Variants in NUBPL observed in about 807,000 individuals in gnomAD.
NUBPL encodes NUBP iron-sulfur cluster assembly factor, mitochondrial.
A neutral mutation model predicts 45.7 loss-of-function variants in NUBPL; 31 were observed. The observed-to-expected ratio is 0.68, with a 90% CI of 0.51 to 0.92. NUBPL has a LOEUF of 0.92. Among genes scored for constraint, NUBPL ranks in the 40% least tolerant of loss-of-function variants. The pLI is 0.00. For synonymous variants in NUBPL, 144 were observed against 140.9 expected, an observed-to-expected ratio of 1.02 and a Z score of -0.15; for missense variants, 401 against 398.7, an observed-to-expected ratio of 1.01 and a Z score of -0.05.
chr14:31,716,548 C>G (rs555540832), intron 6 of NUBPL, among the ~76,000 whole-genome samples: 8 of 152,304 alleles, frequency 5.3e-5, no homozygotes, highest in African/African-American at 1.9e-4. Context: ...GGACCATTGC[C>G]TATGTGGCCC....
chr14:31,657,121 C>T (rs1413316867), intron 4 of NUBPL, among the ~76,000 whole-genome samples: 2 of 152,156 alleles, frequency 1.3e-5, no homozygotes, highest in African/African-American at 2.4e-5. Context: ...TTAATGTAGT[C>T]ACTGTTCTAG....
intron 6 of NUBPL, among the ~76,000 whole-genome samples, chr14:31,762,878 C>T (rs570175454): frequency 1.2e-3 from 183 of 152,178 alleles, no homozygotes; most frequent in Middle Eastern, 6.8e-3. Flanking sequence ...CTGAGCTTAG[C>T]TTATAATGTT....
chr14:31,679,079 A>G (rs2139826945), intron 6 of NUBPL, among the ~76,000 whole-genome samples: 1 of 152,280 alleles, frequency 6.6e-6, no homozygotes, highest in East Asian at 1.9e-4. Context: ...GGGCAGCACA[A>G]AGTTCAGTGC....
chr14:31,755,150 A>T (rs2038629435), intron 6 of NUBPL, among the ~76,000 whole-genome samples: 1 of 152,048 alleles, frequency 6.6e-6, no homozygotes, highest in Non-Finnish European at 1.5e-5. Flanking sequence ...ATAGTGCCGC[A>T]ATAAACATAC....
intron 8 of NUBPL, chr14:31,844,484 G>A (rs2040422593): frequency 6.6e-6 from 1 of 152,152 alleles, no homozygotes; most frequent in South Asian, 2.1e-4. Context: ...CCAAAACACA[G>A]CGTGATTTAT....
At chr14:31,741,396 G>A (rs1048079420) in intron 6 of NUBPL, among the ~76,000 whole-genome samples, 2 of 152,086 alleles carry the variant, frequency 1.3e-5, no homozygotes, top group Non-Finnish European at 2.9e-5. Flanking sequence ...GACTAGAGGG[G>A]GCTGGAGTTA....
intron 8 of NUBPL, among the ~76,000 whole-genome samples, chr14:31,831,468 T>TGTACC (rs1555342390): frequency 7.0e-6 from 1 of 143,060 alleles, no homozygotes; most frequent in Non-Finnish European, 1.5e-5. Context: ...TATACTGTAC[T>TGTACC]ATACCATACC....
At chr14:31,625,257 A>G (rs149710157) in intron 4 of NUBPL, among the ~76,000 whole-genome samples, 10 of 152,320 alleles carry the variant, frequency 6.6e-5, no homozygotes, top group African/African-American at 2.4e-4. Flanking sequence ...ATTGAAAATT[A>G]CATTTTAGAT....
chr14:31,574,268 AT>A lies in NUBPL; in HGVS notation c.291+9233del, dbSNP rs1207027470. ...TGCACATCTTATGTACTCAAAAAAA[AT>A]TTTTTTTTTTTTGAGACAGAGTCTT... On this transcript the variant is annotated intron_variant, in intron 3 of 10. Coordinates refer to ENST00000281081, the MANE Select transcript of NUBPL (RefSeq NM_025152.3). Among the ~76,000 whole-genome samples, 578 of 100,976 alleles carry A rather than the reference AT, an allele frequency of 5.7e-3. 3 individuals carry two copies. Among genetic ancestry groups the A allele is most frequent in the Middle Eastern group, 0.012 (2 of 166 alleles). The allele number at this position is 100,976 out of a possible 152,430, so 66.2% of individuals were successfully genotyped here. A position where few individuals can be genotyped will look rare whatever the true frequency, so the allele number is the denominator to read the frequency against.
At position 31,561,524 on chromosome 14, in the gene NUBPL, C is replaced by G. The variant is rs2033279077; in HGVS notation, c.85C>G (p.Arg29Gly). 8 of 1,381,286 alleles carry G rather than the reference C, an allele frequency of 5.8e-6. No individual in the cohort carries two copies. The highest frequency in any genetic ancestry group is 7.5e-6 in the Non-Finnish European group (8 of 1,059,810). 85.6% of individuals were successfully genotyped at this position (1,381,286 alleles called of 1,614,324 possible). A position where few individuals can be genotyped will look rare whatever the true frequency, so the allele number is the denominator to read the frequency against. Residue 29 changes from arginine (R) to glycine (G), a missense_variant, in exon 1 of 11, where the codon CGA becomes GGA. Arg to Gly is a moderately radical substitution (Grantham distance 125, BLOSUM62 -2). Coordinates refer to ENST00000281081, the MANE Select transcript of NUBPL (RefSeq NM_025152.3). ...GGATAPLGGS[R>G]AMVCGRQLSG... Reference sequence around the variant, plus strand: ...GGCCACTGCCCCGCTTGGGGGAAGCCGAGCGATGGTTTGTGGGCGCCAGGT... The same window carrying G: ...GGCCACTGCCCCGCTTGGGGGAAGCGGAGCGATGGTTTGTGGGCGCCAGGT...
intron 8 of NUBPL, among the ~76,000 whole-genome samples, chr14:31,841,922 T>TTTTTTTTTTTTTTTTG (rs2040378497): frequency 2.3e-5 from 1 of 43,252 alleles, no homozygotes; most frequent in Non-Finnish European, 5.3e-5. Flanking sequence ...CTGGGCTTTT[T>TTTTTTTTTTTTTTTTG]TTTTTTTTTT....
chr14:31,645,456 A>G (rs2035821815), intron 4 of NUBPL, among the ~76,000 whole-genome samples: 2 of 152,030 alleles, frequency 1.3e-5, no homozygotes, highest in Non-Finnish European at 1.5e-5. Flanking sequence ...ATTTGAGTCC[A>G]TTTACATTCA....
Position 31,823,696 on chromosome 14 carries a change from A to G in NUBPL, c.608-2933A>G, listed in dbSNP as rs143085960. Among the ~76,000 whole-genome samples, 12 of 152,282 alleles carry G rather than the reference A, an allele frequency of 7.9e-5. No individual in the cohort carries two copies. In the East Asian group the frequency reaches 2.3e-3, roughly 29 times the overall value. On this transcript the variant is annotated intron_variant, in intron 7 of 10. Coordinates refer to ENST00000281081, the MANE Select transcript of NUBPL (RefSeq NM_025152.3). ...TATCTAGTGCAGGCATTAGTTTTACAGTTAAAGAAACTGAGACTCAGAGTG... is the reference window on the plus strand; with the variant it reads ...TATCTAGTGCAGGCATTAGTTTTACGGTTAAAGAAACTGAGACTCAGAGTG...
chr14:31,631,433 A>G (rs571748469), intron 4 of NUBPL, among the ~76,000 whole-genome samples: 1 of 152,078 alleles, frequency 6.6e-6, no homozygotes, highest in South Asian at 2.1e-4. Context: ...AGCCACTTGT[A>G]TTAGTATGGG....
At chr14:31,645,015 C>T (rs921770281) in intron 4 of NUBPL, among the ~76,000 whole-genome samples, 1 of 151,458 alleles carries the variant, frequency 6.6e-6, no homozygotes, top group Non-Finnish European at 1.5e-5. Context: ...CTCCAATCTC[C>T]TTACTTTCAG....
chr14:31,842,971 A>C (rs566558280), intron 8 of NUBPL, among the ~76,000 whole-genome samples: 1 of 152,210 alleles, frequency 6.6e-6, no homozygotes, highest in East Asian at 1.9e-4. Flanking sequence ...TATATCAGCC[A>C]AGATGGGCTA....
chr14:31,636,799 T>C (rs1324065439), intron 4 of NUBPL, among the ~76,000 whole-genome samples: 1 of 152,224 alleles, frequency 6.6e-6, no homozygotes, highest in African/African-American at 2.4e-5. Flanking sequence ...AGATTCAACT[T>C]CTTCCTGGTT....
chr14:31,646,859 G>T lies in NUBPL; in HGVS notation c.383-26496G>T, dbSNP rs527330967. ...CACTTCTCAAATTTGTTTTTTTTTT[G>T]AGATAATTTTCTATATCTTGTAGGC... On this transcript the variant is annotated intron_variant, in intron 4 of 10. Coordinates refer to ENST00000281081, the MANE Select transcript of NUBPL (RefSeq NM_025152.3). Among the ~76,000 whole-genome samples, 28 of 140,474 alleles carry T rather than the reference G, an allele frequency of 2.0e-4. No homozygotes were observed. In the South Asian group the frequency reaches 5.4e-3, roughly 27 times the overall value. The allele number at this position is 140,474 out of a possible 152,430, so 92.2% of individuals were successfully genotyped here.
At chr14:31,715,026 C>G (rs2037657067) in intron 6 of NUBPL, among the ~76,000 whole-genome samples, 1 of 152,222 alleles carries the variant, frequency 6.6e-6, no homozygotes, top group African/African-American at 2.4e-5. Flanking sequence ...ATCAGTCTCT[C>G]ACTCCCTCAT....
Sources: gnomAD v4.1 joint callset for allele counts (sites outside exome capture counted in the v4.1 genomes callset) on GRCh38, gnomAD v4.1.1 for gene constraint, MANE v1.5 for transcripts, NCBI Gene and HGNC (gene_info 2026-07-23, HGNC 2026-07-21) for gene names.